The following NELL2 variants were observed in gnomAD, a reference collection of about 807,000 sequenced individuals.
NELL2 encodes neural EGFL like 2, also known as protein kinase C-binding protein NELL2.
NELL2 carries 41 observed loss-of-function variants against 109.6 expected under a neutral mutation model. That is an observed-to-expected ratio of 0.37 (90% CI 0.29 to 0.49). The LOEUF is 0.49. NELL2 is among the 20% of genes least tolerant of loss of function. The pLI is 0.98. For synonymous variants in NELL2, 355 were observed against 344.7 expected (o/e 1.03, Z -0.33); for missense variants, 900 against 1,008.3 (o/e 0.89, Z 1.45).
chr12:44,915,052 C>G (rs1322695909), upstream of NELL2, among the ~76,000 whole-genome samples: 2 of 152,134 alleles, frequency 1.3e-5, no homozygotes, highest in South Asian at 2.1e-4. Flanking sequence ...AGGGTTTCAC[C>G]GTGTTAGCCA....
rs1455589223 is a variant in NELL2, at chr12:44,644,625, T to TATACAC, written c.1444+20858_1444+20859insGTGTAT. 3.0e-5 allele frequency among the ~76,000 whole-genome samples: 3 copies of TATACAC among 98,764 alleles called. No individual in the cohort carries two copies. The East Asian group carries it at 1.0e-3, about 33-fold the overall frequency. The allele number at this position is 98,764 out of a possible 152,430, so 64.8% of individuals were successfully genotyped here. ...ATATGTATGTATATATATATATATATACATACATATATATATATATATATA... is the reference window on the plus strand; with the variant it reads ...ATATGTATGTATATATATATATATATATACACACATACATATATATATATATATATA... On this transcript the variant is annotated intron_variant, in intron 13 of 19. Transcript: ENST00000429094.
chr12:44,739,853 G>A (rs373734226), intron 9 of NELL2, among the ~76,000 whole-genome samples: 6 of 152,258 alleles, frequency 3.9e-5, no homozygotes, highest in Admixed American at 1.3e-4. Context: ...TTGCGCGACT[G>A]CACTCCAGCA....
intron 2 of NELL2, among the ~76,000 whole-genome samples, chr12:44,871,500 TTAAG>T (rs1566570351): frequency 6.6e-6 from 1 of 152,166 alleles, no homozygotes; most frequent in Non-Finnish European, 1.5e-5. Flanking sequence ...CTTAGAGAAA[TTAAG>T]TAACTTCACC....
chr12:44,669,805 CAGA>C (rs1485556058), intron 12 of NELL2, among the ~76,000 whole-genome samples: 18 of 151,982 alleles, frequency 1.2e-4, no homozygotes, highest in African/African-American at 4.1e-4. Context: ...TTGGGAGTTC[CAGA>C]AGGAGAAGAG....
At chr12:44,612,177 C>A (rs1478169774) in intron 13 of NELL2, among the ~76,000 whole-genome samples, 1 of 151,822 alleles carries the variant, frequency 6.6e-6, no homozygotes, top group African/African-American at 2.4e-5. Flanking sequence ...CGTAAATTGT[C>A]TTTGGCATAT....
At position 44,876,124 on chromosome 12, in the gene NELL2, G is replaced by C. The variant is rs1945313687; in HGVS notation, c.-255C>G. The C allele has an allele frequency of 5.4e-6, 7 of 1,305,150 alleles. No homozygotes were observed. The highest frequency in any genetic ancestry group is 9.7e-7 in the Non-Finnish European group (1 of 1,026,504). The allele number at this position is 1,305,150 out of a possible 1,614,324, so 80.8% of individuals were successfully genotyped here. On this transcript the variant is annotated 5_prime_UTR_variant, in exon 1 of 20. Coordinates refer to ENST00000429094, the MANE Select transcript of NELL2 (RefSeq NM_001145108.2). ...CCGAGGCGGCAGCGCGGCCCGGAGG[G>C]GGCCCGGAGGGAGGGGTCGGACTCG...
chr12:44,642,744 T>C (rs1469121432), intron 13 of NELL2, among the ~76,000 whole-genome samples: 1 of 152,110 alleles, frequency 6.6e-6, no homozygotes, highest in African/African-American at 2.4e-5. Context: ...TAGCTGGGCA[T>C]GGTGGTGTGC....
intron 15 of NELL2, among the ~76,000 whole-genome samples, chr12:44,602,396 AGAAC>A (rs1945252901): frequency 6.6e-6 from 1 of 152,208 alleles, no homozygotes; most frequent in Admixed American, 6.5e-5. Context: ...AGGATAGTAA[AGAAC>A]TAGAAGCAAA....
At chr12:44,659,923 T>C (rs993468230) in intron 13 of NELL2, among the ~76,000 whole-genome samples, 3 of 152,102 alleles carry the variant, frequency 2.0e-5, no homozygotes, top group Non-Finnish European at 4.4e-5. Flanking sequence ...GTAGAAAGTA[T>C]ATGGAGCATG....
At chr12:44,650,686 T>C (rs557662349) in intron 13 of NELL2, among the ~76,000 whole-genome samples, 27 of 152,218 alleles carry the variant, frequency 1.8e-4, no homozygotes, top group African/African-American at 6.3e-4. Context: ...TAAATAAAGA[T>C]ATAAGGGTGG....
chr12:44,807,369 A>G (rs1943037392), intron 3 of NELL2, among the ~76,000 whole-genome samples: 1 of 151,570 alleles, frequency 6.6e-6, no homozygotes, highest in Non-Finnish European at 1.5e-5. Context: ...ATGCATGCAG[A>G]AAGAATTCTG....
chr12:44,640,625 T>G (rs775725557), intron 13 of NELL2, among the ~76,000 whole-genome samples: 3 of 152,194 alleles, frequency 2.0e-5, no homozygotes, highest in Non-Finnish European at 4.4e-5. Flanking sequence ...CATGGTTGCA[T>G]AGCAACAAGG....
intron 9 of NELL2, among the ~76,000 whole-genome samples, chr12:44,731,580 A>G (rs1239524521): frequency 6.6e-6 from 1 of 152,102 alleles, no homozygotes; most frequent in African/African-American, 2.4e-5. Context: ...CAAACAATAA[A>G]TAGAAGAAAT....
At chr12:44,703,541 T>C (rs958226877) in intron 12 of NELL2, among the ~76,000 whole-genome samples, 185 bp downstream of exon 12, 7 of 152,330 alleles carry the variant, frequency 4.6e-5, no homozygotes, top group African/African-American at 1.7e-4. Flanking sequence ...TAGTGTGACA[T>C]ATAGCAGATA....
intron 9 of NELL2, among the ~76,000 whole-genome samples, chr12:44,754,234 A>G (rs1940780807): frequency 6.6e-6 from 1 of 152,226 alleles, no homozygotes; most frequent in Non-Finnish European, 1.5e-5. Flanking sequence ...AAATATGCTA[A>G]CAAATCTAAT....
intron 9 of NELL2, among the ~76,000 whole-genome samples, chr12:44,739,002 T>G (rs1397367613): frequency 6.6e-6 from 1 of 152,202 alleles, no homozygotes; most frequent in Non-Finnish European, 1.5e-5. Flanking sequence ...TGAGGCTTTA[T>G]CCCTCTTTCT....
intron 15 of NELL2, among the ~76,000 whole-genome samples, chr12:44,554,535 T>C (rs1227390666): frequency 6.6e-6 from 1 of 152,200 alleles, no homozygotes; most frequent in Non-Finnish European, 1.5e-5. Context: ...TTGATTGTGA[T>C]GATGATTCCG....
chr12:44,546,703 T>G (rs1452256), intron 15 of NELL2, among the ~76,000 whole-genome samples: 42,093 of 152,122 alleles, frequency 0.28, 5,903 homozygotes, highest in South Asian at 0.36. Context: ...ACAACCTATT[T>G]TTTCATGATC....
intron 12 of NELL2, among the ~76,000 whole-genome samples, chr12:44,698,830 T>C (rs1436432343): frequency 6.6e-6 from 1 of 152,176 alleles, no homozygotes; most frequent in Non-Finnish European, 1.5e-5. Context: ...CTTGGTATAA[T>C]GTCAAAGGCT....
Sources: gnomAD v4.1 joint callset for allele counts (sites outside exome capture counted in the v4.1 genomes callset) on GRCh38, gnomAD v4.1.1 for gene constraint, MANE v1.5 for transcripts, NCBI Gene and HGNC (gene_info 2026-07-23, HGNC 2026-07-21) for gene names.